The following CFAP95 variants were observed in gnomAD, a reference collection of about 807,000 sequenced individuals.
CFAP95 encodes the protein cilia and flagella associated protein 95, also known as cilia- and flagella-associated protein 95.
At chr9:69,851,824 T>C in the CFAP95 span, among the ~76,000 whole-genome samples, 1 of 150,564 alleles carries the variant, frequency 6.6e-6, no homozygotes, top group Non-Finnish European at 1.5e-5. Flanking sequence ...GCTATGATTG[T>C]GCCACTACAC....
At chr9:69,897,733 A>T in the CFAP95 span, among the ~76,000 whole-genome samples, 1 of 152,230 alleles carries the variant, frequency 6.6e-6, no homozygotes, top group African/African-American at 2.4e-5. Flanking sequence ...ACAAGGGGCA[A>T]TGGGGGTGGA....
chr9:69,873,646 T>G, the CFAP95 span, among the ~76,000 whole-genome samples: 1 of 152,182 alleles, frequency 6.6e-6, no homozygotes, highest in Non-Finnish European at 1.5e-5. Flanking sequence ...GTTCTCTGCT[T>G]CTTTAAGTCA....
the CFAP95 span, among the ~76,000 whole-genome samples, chr9:69,832,909 A>T: frequency 6.6e-6 from 1 of 152,074 alleles, no homozygotes; most frequent in South Asian, 2.1e-4. Context: ...CATGTAAGTC[A>T]TCTAGCTTTA....
At chr9:69,832,602 T>C in the CFAP95 span, among the ~76,000 whole-genome samples, 1 of 117,830 alleles carries the variant, frequency 8.5e-6, no homozygotes, top group Non-Finnish European at 1.8e-5. Flanking sequence ...ATTTCTTCTA[T>C]AGAAATAGTC....
At chr9:69,823,155 C>T in the CFAP95 span, among the ~76,000 whole-genome samples, 1 of 152,168 alleles carries the variant, frequency 6.6e-6, no homozygotes, top group Admixed American at 6.5e-5. Flanking sequence ...AAAGGCAAAG[C>T]AAGCACCTTC....
At chr9:69,895,121 T>G in the CFAP95 span, among the ~76,000 whole-genome samples, 1 of 152,264 alleles carries the variant, frequency 6.6e-6, no homozygotes. Flanking sequence ...GGAGGTCTTT[T>G]GTAAATGTGA....
At chr9:69,858,750 A>G in the CFAP95 span, among the ~76,000 whole-genome samples, 2 of 152,230 alleles carry the variant, frequency 1.3e-5, no homozygotes, top group Admixed American at 1.3e-4. Context: ...TTGCTAATTC[A>G]GAGTTTGCAG....
At chr9:69,827,622 A>G in the CFAP95 span, among the ~76,000 whole-genome samples, 1 of 152,110 alleles carries the variant, frequency 6.6e-6, no homozygotes, top group African/African-American at 2.4e-5. Context: ...CTCCAGATCT[A>G]TCGTAGGTCC....
At chr9:69,836,846 C>A in the CFAP95 span, among the ~76,000 whole-genome samples, 15 of 150,854 alleles carry the variant, frequency 9.9e-5, no homozygotes, top group African/African-American at 3.4e-4. Flanking sequence ...CGTCATCTAG[C>A]ATTAGGTATA....
the CFAP95 span, among the ~76,000 whole-genome samples, chr9:69,830,686 C>T: frequency 6.6e-6 from 1 of 152,180 alleles, no homozygotes; most frequent in Non-Finnish European, 1.5e-5. Flanking sequence ...TTCACTTTGT[C>T]ACCCAGATTG....
At chr9:69,826,739 A>G in the CFAP95 span, among the ~76,000 whole-genome samples, 6 of 152,320 alleles carry the variant, frequency 3.9e-5, no homozygotes, top group East Asian at 9.6e-4. Flanking sequence ...TTTTGGATCT[A>G]TAGTTAGAAG....
chr9:69,826,231 G>T, the CFAP95 span, among the ~76,000 whole-genome samples: 1 of 152,226 alleles, frequency 6.6e-6, no homozygotes, highest in African/African-American at 2.4e-5. Flanking sequence ...TGTATTTAAG[G>T]TACTTCACAT....
the CFAP95 span, among the ~76,000 whole-genome samples, chr9:69,852,259 T>C: frequency 6.6e-6 from 1 of 152,118 alleles, no homozygotes; most frequent in African/African-American, 2.4e-5. Flanking sequence ...TAGTTATGAC[T>C]GAAGATCTAA....
chr9:69,842,412 C>G, the CFAP95 span, among the ~76,000 whole-genome samples: 1 of 152,148 alleles, frequency 6.6e-6, no homozygotes. Context: ...GACCAATATT[C>G]CGGTTTTTCC....
chr9:69,889,509 G>A, the CFAP95 span, among the ~76,000 whole-genome samples: 1 of 152,192 alleles, frequency 6.6e-6, no homozygotes, highest in Non-Finnish European at 1.5e-5. Flanking sequence ...GCTATGCAAA[G>A]ACAGTTTAGA....
the CFAP95 span, among the ~76,000 whole-genome samples, chr9:69,897,100 G>A: frequency 9.8e-4 from 149 of 152,194 alleles, no homozygotes; most frequent in Non-Finnish European, 1.8e-3. Context: ...TCAGTCAAGT[G>A]CATGTAATTG....
the CFAP95 span, among the ~76,000 whole-genome samples, chr9:69,843,406 T>C: frequency 2.7e-5 from 4 of 149,412 alleles, no homozygotes; most frequent in African/African-American, 9.9e-5. Flanking sequence ...TCCTACTTTT[T>C]CCTTCTCTAC....
the CFAP95 span, chr9:69,887,045 A>G: frequency 1.6e-6 from 1 of 611,438 alleles, no homozygotes; most frequent in South Asian, 2.3e-5. Flanking sequence ...TATTGGAATC[A>G]TGACAATGTT....
chr9:69,839,250 A>G, the CFAP95 span, among the ~76,000 whole-genome samples: 1 of 139,810 alleles, frequency 7.2e-6, no homozygotes, highest in Non-Finnish European at 1.5e-5. Flanking sequence ...TGGCCTCATA[A>G]AATGAGTTAG....
Sources: gnomAD v4.1 joint callset for allele counts (sites outside exome capture counted in the v4.1 genomes callset) on GRCh38, gnomAD v4.1.1 for gene constraint, MANE v1.5 for transcripts, NCBI Gene and HGNC (gene_info 2026-07-23, HGNC 2026-07-21) for gene names.